The following CHLSN variants were observed in gnomAD, a reference collection of about 807,000 sequenced individuals.
CHLSN encodes the protein protein cholesin.
the CHLSN span, among the ~76,000 whole-genome samples, chr7:1,008,820 ATATACACAACGTG>A: frequency 9.0e-6 from 1 of 111,290 alleles, no homozygotes; most frequent in Non-Finnish European, 1.9e-5. Context: ...ACACACGCAC[ATATACACAACGTG>A]TATACACACG....
At chr7:1,131,295 C>T in the CHLSN span, among the ~76,000 whole-genome samples, 4 of 151,972 alleles carry the variant, frequency 2.6e-5, no homozygotes, top group African/African-American at 9.7e-5. Flanking sequence ...AGCATTGAGC[C>T]CACCTAGGGC....
the CHLSN span, among the ~76,000 whole-genome samples, chr7:993,620 TACA>T: frequency 1.3e-5 from 2 of 152,064 alleles, no homozygotes; most frequent in East Asian, 3.9e-4. Flanking sequence ...CTACAAAAAA[TACA>T]ACAATTAGCC....
the CHLSN span, chr7:1,028,337 G>A: frequency 2.9e-6 from 3 of 1,021,708 alleles, no homozygotes; most frequent in South Asian, 3.2e-5. Context: ...CGCCCGGCCC[G>A]CGCCTCCAGC....
At chr7:1,057,177 C>A in the CHLSN span, among the ~76,000 whole-genome samples, 4 of 152,284 alleles carry the variant, frequency 2.6e-5, no homozygotes, top group East Asian at 7.7e-4. Flanking sequence ...GTCCAACCAA[C>A]TCAGGACGAC....
chr7:982,116 C>T, the CHLSN span, among the ~76,000 whole-genome samples: 2 of 152,214 alleles, frequency 1.3e-5, no homozygotes, highest in Non-Finnish European at 2.9e-5. Flanking sequence ...CCCAGCCTAC[C>T]CAGTAGTGGC....
the CHLSN span, among the ~76,000 whole-genome samples, chr7:1,111,603 C>A: frequency 1.8e-4 from 27 of 152,286 alleles, no homozygotes; most frequent in African/African-American, 6.5e-4. Context: ...ATTTCAAGAC[C>A]AGCCTAGGCA....
At chr7:997,829 G>A in the CHLSN span, 3 of 1,593,442 alleles carry the variant, frequency 1.9e-6, no homozygotes, top group South Asian at 2.2e-5. Flanking sequence ...GATCGAGTTG[G>A]TCAGGGGCGG....
the CHLSN span, chr7:1,025,228 G>C: frequency 6.6e-6 from 1 of 152,282 alleles, no homozygotes; most frequent in African/African-American, 2.4e-5. Flanking sequence ...GTCTGCTAAC[G>C]GCTTCATCAC....
the CHLSN span, among the ~76,000 whole-genome samples, chr7:1,046,136 C>T: frequency 5.3e-5 from 8 of 152,144 alleles, no homozygotes; most frequent in African/African-American, 1.4e-4. Flanking sequence ...GAAATATGCT[C>T]GTGTAATTTA....
chr7:1,122,106 C>T, the CHLSN span, among the ~76,000 whole-genome samples: 1 of 152,224 alleles, frequency 6.6e-6, no homozygotes, highest in African/African-American at 2.4e-5. Context: ...ATGAGGTAAC[C>T]AGAGTCAGAA....
At chr7:1,034,449 G>C in the CHLSN span, among the ~76,000 whole-genome samples, 1 of 151,832 alleles carries the variant, frequency 6.6e-6, no homozygotes, top group South Asian at 2.1e-4. Context: ...GAAAAGCAAA[G>C]TAACAAGGAT....
the CHLSN span, chr7:986,568 C>A: frequency 6.3e-7 from 1 of 1,592,188 alleles, no homozygotes; most frequent in South Asian, 1.1e-5. Flanking sequence ...ACCGCCTGCC[C>A]AGCGTGCAGC....
the CHLSN span, among the ~76,000 whole-genome samples, chr7:1,050,547 G>A: frequency 2.3e-4 from 35 of 152,280 alleles, no homozygotes; most frequent in Admixed American, 8.5e-4. Flanking sequence ...AGCTCCGAGC[G>A]GATGCTCTGC....
chr7:996,415 C>T, the CHLSN span, among the ~76,000 whole-genome samples: 8 of 152,352 alleles, frequency 5.3e-5, no homozygotes, highest in South Asian at 2.1e-4. Context: ...TGCCAGGTGG[C>T]GGCTGCAGCT....
the CHLSN span, chr7:997,606 C>G: frequency 4.2e-5 from 64 of 1,535,232 alleles, no homozygotes; most frequent in Non-Finnish European, 5.5e-5. Context: ...GGCAGCGGCC[C>G]CGCCCCGCGC....
At chr7:1,071,970 G>C in the CHLSN span, among the ~76,000 whole-genome samples, 44 of 152,212 alleles carry the variant, frequency 2.9e-4, no homozygotes, top group Non-Finnish European at 5.4e-4. Flanking sequence ...GGAGGCTGCA[G>C]GACAGAGCCA....
chr7:987,492 C>G, the CHLSN span: 6 of 1,546,920 alleles, frequency 3.9e-6, no homozygotes, highest in East Asian at 2.4e-5. Flanking sequence ...CCCGCTGCAC[C>G]GCGGCCGACA....
the CHLSN span, among the ~76,000 whole-genome samples, chr7:1,105,710 G>A: frequency 2.6e-5 from 4 of 152,202 alleles, no homozygotes; most frequent in Admixed American, 2.6e-4. Context: ...CGCCTCACGG[G>A]TTCAGGCAAT....
the CHLSN span, among the ~76,000 whole-genome samples, chr7:1,136,195 TAC>T: frequency 5.7e-3 from 601 of 105,606 alleles, 13 homozygotes; most frequent in African/African-American, 0.025. Flanking sequence ...TATAAATATA[TAC>T]ACAAATATAT....
Sources: gnomAD v4.1 joint callset for allele counts (sites outside exome capture counted in the v4.1 genomes callset) on GRCh38, gnomAD v4.1.1 for gene constraint, MANE v1.5 for transcripts, NCBI Gene and HGNC (gene_info 2026-07-23, HGNC 2026-07-21) for gene names.